Variants in OPTC observed in about 807,000 individuals in gnomAD.
OPTC encodes oculoglycan.
In OPTC, 22 loss-of-function variants were observed where a neutral mutation model predicts 25.4. That is an observed-to-expected ratio of 0.87 (90% CI 0.62 to 1.24). OPTC has a LOEUF of 1.24. OPTC is among the 50% of genes most tolerant of loss of function. The pLI is 0.00. For missense variants in OPTC, 417 were observed against 425.2 expected, an observed-to-expected ratio of 0.98 and a Z score of 0.17; for synonymous variants, 169 against 179.3, an observed-to-expected ratio of 0.94 and a Z score of 0.46.
chr1:203,503,023 C>A lies in OPTC; in HGVS notation c.828+14C>A, dbSNP rs756744496. On this transcript the variant is annotated intron_variant, in intron 6 of 7. Transcript: ENST00000367222. ...GTACACCTGCAGGTAAGGAGCACCACCCAGAGCAAGGGTGATAAACAGCGT... is the reference window on the plus strand; with the variant it reads ...GTACACCTGCAGGTAAGGAGCACCAACCAGAGCAAGGGTGATAAACAGCGT... 6.3e-7 allele frequency: 1 copy of A among 1,598,774 alleles called. No homozygotes were observed.
In OPTC at chr1:203,498,731, G is replaced by T. The variant is rs779546963; in HGVS notation, c.421G>T (p.Asp141Tyr). The T allele has an allele frequency of 6.2e-7, 1 of 1,614,172 alleles. No individual in the cohort carries two copies. The highest frequency in any genetic ancestry group is 8.5e-7 in the Non-Finnish European group (1 of 1,180,032). The change falls in exon 4 of 8, where the codon GAT (aspartate) becomes TAT (tyrosine). Residue 141 changes from aspartate to tyrosine, a missense_variant. By Grantham distance (160) the Asp-to-Tyr change is radical. Coordinates refer to ENST00000367222, the MANE Select transcript of OPTC (RefSeq NM_014359.4). ...GTGCCTCGGTTCCTCTGTGTATTGC[G>T]ATGACATTGACCTAGAGGACATTCC... The part of the protein sequence containing the change: ...CVCLGSSVYC[D>Y]DIDLEDIPPL...
chr1:203,496,020 T>C lies in OPTC; in HGVS notation c.15T>C (p.Ala5=), dbSNP rs1321765396. Residue 5 remains alanine, a synonymous_variant, in exon 2 of 8, where the codon GCT becomes GCC. Transcript: ENST00000367222. ...TCTGACTCCCCATGAGGCTCCTGGC[T>C]TTCCTGAGTCTGCTGGCCTTGGTGC... MRLL[A]FLSLLALVLQ... is the part of the protein sequence containing the mutation. 2 of 1,612,794 alleles carry C rather than the reference T, an allele frequency of 1.2e-6. No individual in the cohort carries two copies. Among genetic ancestry groups the C allele is most frequent in the Non-Finnish European group, 1.7e-6 (2 of 1,179,456 alleles).
intron 5 of OPTC, among the ~76,000 whole-genome samples, chr1:203,500,190 C>CT (rs1661362744): frequency 1.5e-4 from 1 of 6,612 alleles, no homozygotes; most frequent in Admixed American, 1.5e-3. Context: ...CCACCACCAC[C>CT]ACCACCACCA....
rs200677614 is a variant in OPTC at position 203,499,863 on chromosome 1, C to A, written c.732+12C>A. 1.2e-5 allele frequency: 20 copies of A among 1,607,200 alleles called. No homozygotes were observed. The highest frequency in any genetic ancestry group is 1.5e-5 in the Non-Finnish European group (18 of 1,177,936). ...CTGCAGCCTTCAGGGTGAGTCAAGG[C>A]CTTAGATCCACTATCTATCACCTCC... On this transcript the variant is annotated intron_variant, in intron 5 of 7. Coordinates refer to ENST00000367222, the MANE Select transcript of OPTC (RefSeq NM_014359.4).
intron 5 of OPTC, among the ~76,000 whole-genome samples, chr1:203,501,533 GCT>G (rs1661391726): frequency 2.6e-5 from 4 of 152,336 alleles, no homozygotes; most frequent in South Asian, 4.1e-4. Context: ...TCGCCCATGT[GCT>G]CTCTCTCTTT....
At chr1:203,497,936 G>A (rs1446394768) in intron 3 of OPTC, among the ~76,000 whole-genome samples, 2 of 152,096 alleles carry the variant, frequency 1.3e-5, no homozygotes, top group Non-Finnish European at 2.9e-5. Context: ...CTTAATCTGG[G>A]GGCTGTGTCA....
chr1:203,508,144 T>C (rs1299356217), intron 7 of OPTC, among the ~76,000 whole-genome samples: 1 of 152,086 alleles, frequency 6.6e-6, no homozygotes, highest in African/African-American at 2.4e-5. Flanking sequence ...GGCATGGGGG[T>C]GGAGCTGCAG....
chr1:203,506,145 C>CTTTTTT (rs78639556), intron 7 of OPTC, among the ~76,000 whole-genome samples: 4 of 89,456 alleles, frequency 4.5e-5, no homozygotes, highest in African/African-American at 3.8e-5. Flanking sequence ...ATCCAATTTT[C>CTTTTTT]TTTTTTCTTT....
rs1292478858 is a variant in OPTC at position 203,503,725 on chromosome 1, G to C, written c.*5G>C. On this transcript the variant is annotated 3_prime_UTR_variant, in exon 7 of 8. Coordinates refer to ENST00000367222, the MANE Select transcript of OPTC (RefSeq NM_014359.4). ...CCCATCGGCCGCTTCACGTAGCTCG[G>C]AGCCCTTCCACTCCTCCCAGGTAAG... 1.9e-5 allele frequency: 30 copies of C among 1,603,202 alleles called. No homozygotes were observed. The highest frequency in any genetic ancestry group is 2.5e-5 in the Non-Finnish European group (30 of 1,179,870).
rs746210437 is a variant in OPTC at position 203,499,768 on chromosome 1, C to T, written c.649C>T (p.Pro217Ser). Residue 217 changes from proline to serine, a missense_variant, in exon 5 of 8, where the codon CCC becomes TCC. Physicochemically the swap from Pro to Ser is moderately conservative, Grantham distance 74 (BLOSUM62 -1). Transcript: ENST00000367222. ...CCCAGAGAACCAGTTGGAAGCTCTGCCCGTGCTGCCCAGTGGCATTGAGTT... is the reference window on the plus strand; with the variant it reads ...CCCAGAGAACCAGTTGGAAGCTCTGTCCGTGCTGCCCAGTGGCATTGAGTT... The part of the protein sequence containing the change: ...ILPENQLEAL[P>S]VLPSGIEFLD... 5.0e-6 allele frequency: 8 copies of T among 1,612,882 alleles called. No homozygotes were observed. The highest frequency in any genetic ancestry group is 1.6e-4 in the Middle Eastern group (1 of 6,062).
Position 203,503,605 on chromosome 1 carries a change from AAC to A in OPTC, c.889_890del (p.Thr297ProfsTer98). The A allele has an allele frequency of 6.2e-7, 1 of 1,613,746 alleles. No homozygotes were observed. The highest frequency in any genetic ancestry group is 2.2e-5 in the East Asian group (1 of 44,870). Reference sequence around the variant, plus strand: ...GTCTTCTGTGACCCCGAGGAGCACAAACACACCCGCAGGCAGCTGGAAGACAT... The same window carrying A: ...GTCTTCTGTGACCCCGAGGAGCACAAACACCCGCAGGCAGCTGGAAGACAT... On this transcript the variant is annotated frameshift_variant, in exon 7 of 8. Transcript: ENST00000367222. LOFTEE classifies it high-confidence loss of function.
In OPTC at chr1:203,496,245, C is replaced by G; in HGVS notation, c.231+9C>G. The G allele has an allele frequency of 1.3e-6, 2 of 1,589,030 alleles. No homozygotes were observed. Among genetic ancestry groups the G allele is most frequent in the Non-Finnish European group, 1.7e-6 (2 of 1,157,236 alleles). ...GGGACCAACTCCCCGAGGTGAGGGA[C>G]ACAGCAGACCAACTACATTCCCTGC... On this transcript the variant is annotated intron_variant, in intron 2 of 7. Transcript: ENST00000367222.
chr1:203,500,430 C>T (rs1289548651), intron 5 of OPTC, among the ~76,000 whole-genome samples: 1 of 147,418 alleles, frequency 6.8e-6, no homozygotes, highest in Non-Finnish European at 1.5e-5. Flanking sequence ...GCCACCACCA[C>T]CACCCACCTC....
intron 7 of OPTC, among the ~76,000 whole-genome samples, chr1:203,504,022 A>G (rs901857980): frequency 6.6e-6 from 1 of 152,086 alleles, no homozygotes; most frequent in African/African-American, 2.4e-5. Flanking sequence ...CATATTCCCC[A>G]TCTCTTGCAC....
intron 5 of OPTC, among the ~76,000 whole-genome samples, chr1:203,501,505 G>A (rs114900462): frequency 0.011 from 1,746 of 152,330 alleles, 32 homozygotes; most frequent in African/African-American, 0.04. Context: ...ATAGGGCTAG[G>A]AAGAGCCCCG....
intron 5 of OPTC, 35 bp downstream of exon 5, chr1:203,499,886 TCCACCACCCACCTCTA>T (rs756706287): frequency 4.1e-5 from 64 of 1,561,196 alleles, no homozygotes; most frequent in Non-Finnish European, 5.4e-5. Flanking sequence ...ATCTATCACC[TCCACCACCCACCTCTA>T]CCACCACCCA....
At chr1:203,506,301 G>A (rs1284959919) in intron 7 of OPTC, among the ~76,000 whole-genome samples, 4 of 151,606 alleles carry the variant, frequency 2.6e-5, no homozygotes, top group Non-Finnish European at 4.4e-5. Flanking sequence ...ACAGGCATGC[G>A]CCACCACACC....
chr1:203,498,695 C>G lies in OPTC; in HGVS notation c.385C>G (p.Leu129Val). 1 of 1,614,230 alleles carries G rather than the reference C, an allele frequency of 6.2e-7. No individual in the cohort carries two copies. Residue 129 changes from leucine to valine, a missense_variant, in exon 4 of 8, where the codon CTG (leucine) becomes GTG (valine). By Grantham distance (32) the Leu-to-Val change is conservative. Coordinates refer to ENST00000367222, the MANE Select transcript of OPTC (RefSeq NM_014359.4). ...SQPNHGLPTC[L>V]VCVCLGSSVY... ...ACCTGGGCCAGGTCTGCCCACCTGC[C>G]TGGTCTGCGTGTGCCTCGGTTCCTC... is the stretch of plus-strand genomic sequence containing the variant.
Position 203,503,753 on chromosome 1 carries a change from C to CCCT in OPTC, c.*25+11_*25+13dup, listed in dbSNP as rs1316921794. 8 of 1,598,070 alleles carry CCCT rather than the reference C, an allele frequency of 5.0e-6. No individual in the cohort carries two copies. Among genetic ancestry groups the CCCT allele is most frequent in the Non-Finnish European group, 6.8e-6 (8 of 1,178,842 alleles). Reference sequence around the variant, plus strand: ...CCCTTCCACTCCTCCCAGGTAAGAACCCTCCAAGGACCATGCAGGCATGGG... The same window carrying CCCT: ...CCCTTCCACTCCTCCCAGGTAAGAACCCTCCTCCAAGGACCATGCAGGCATGGG... On this transcript the variant is annotated intron_variant, in intron 7 of 7. Coordinates refer to ENST00000367222, the MANE Select transcript of OPTC (RefSeq NM_014359.4).
Sources: gnomAD v4.1 joint callset for allele counts (sites outside exome capture counted in the v4.1 genomes callset) on GRCh38, gnomAD v4.1.1 for gene constraint, MANE v1.5 for transcripts, NCBI Gene and HGNC (gene_info 2026-07-23, HGNC 2026-07-21) for gene names.